The following ANXA8 variants were observed in gnomAD, a reference collection of about 807,000 sequenced individuals.
ANXA8 encodes VAC-beta.
A neutral mutation model predicts 26.8 loss-of-function variants in ANXA8; 9 were observed. The observed-to-expected ratio is 0.34, with a 90% CI of 0.20 to 0.59. ANXA8 has a LOEUF of 0.59. ANXA8 is among the 20% of genes least tolerant of loss of function. ANXA8 has a pLI of 0.84. For synonymous variants in ANXA8, 39 were observed against 94.8 expected (o/e 0.41, Z 3.42); for missense variants, 83 against 238.5 (o/e 0.35, Z 4.29).
the ANXA8 span, among the ~76,000 whole-genome samples, chr10:47,901,710 G>A: frequency 3.3e-5 from 4 of 122,330 alleles, no homozygotes; most frequent in African/African-American, 9.5e-5. Context: ...ATAACTAGTC[G>A]TTTTGCTTTA....
chr10:47,578,956 C>G, the ANXA8 span, among the ~76,000 whole-genome samples: 3 of 145,168 alleles, frequency 2.1e-5, no homozygotes, highest in Admixed American at 7.0e-5. Context: ...TCAAGTGATT[C>G]TCAGCCTCCT....
the ANXA8 span, among the ~76,000 whole-genome samples, chr10:47,733,145 C>CTT: frequency 7.7e-3 from 380 of 49,356 alleles, 2 homozygotes; most frequent in African/African-American, 0.02. Context: ...ACTCCCTAAT[C>CTT]TTTCTTTCTT....
At chr10:47,979,917 T>C in the ANXA8 span, among the ~76,000 whole-genome samples, 3 of 152,094 alleles carry the variant, frequency 2.0e-5, no homozygotes, top group African/African-American at 7.2e-5. Flanking sequence ...CAGTAAGACA[T>C]GTCAGACTTC....
chr10:47,627,259 C>T, the ANXA8 span, among the ~76,000 whole-genome samples: 2 of 150,062 alleles, frequency 1.3e-5, no homozygotes, highest in Non-Finnish European at 2.9e-5. Context: ...CTCATACTGT[C>T]ATTTAATCAA....
the ANXA8 span, among the ~76,000 whole-genome samples, chr10:47,556,533 T>TC: frequency 2.0e-5 from 3 of 151,796 alleles, no homozygotes; most frequent in Non-Finnish European, 2.9e-5. Flanking sequence ...ATTAACAAGA[T>TC]CCCCCTTTTA....
the ANXA8 span, chr10:47,581,100 A>C: frequency 5.0e-6 from 1 of 198,080 alleles, no homozygotes; most frequent in Admixed American, 5.7e-5. Flanking sequence ...AAAAAATTAT[A>C]CAAAAAAAAA....
the ANXA8 span, chr10:47,590,380 C>T: frequency 1.4e-5 from 2 of 146,870 alleles, no homozygotes; most frequent in African/African-American, 2.7e-5. Flanking sequence ...GGGGCCCATA[C>T]TTGGCCTCTC....
At chr10:47,626,784 A>G in the ANXA8 span, among the ~76,000 whole-genome samples, 1 of 150,424 alleles carries the variant, frequency 6.6e-6, no homozygotes, top group Non-Finnish European at 1.5e-5. Context: ...AGGAGCTGTG[A>G]CATGCGCAAA....
chr10:47,519,467 CAAAA>C, the ANXA8 span, among the ~76,000 whole-genome samples: 1 of 84,768 alleles, frequency 1.2e-5, no homozygotes, highest in Non-Finnish European at 2.3e-5. Flanking sequence ...GACTCCATTT[CAAAA>C]AAAAAAAAAA....
the ANXA8 span, among the ~76,000 whole-genome samples, chr10:47,556,504 AAAAG>A: frequency 6.6e-6 from 1 of 151,964 alleles, no homozygotes; most frequent in Non-Finnish European, 1.5e-5. Flanking sequence ...AGATCAGAAT[AAAAG>A]AATCTACCAA....
chr10:47,670,030 C>T, the ANXA8 span, among the ~76,000 whole-genome samples: 4 of 151,874 alleles, frequency 2.6e-5, no homozygotes, highest in African/African-American at 7.3e-5. Flanking sequence ...CCTCCCTCCC[C>T]CAGCCCCTGG....
At chr10:47,699,887 G>A in the ANXA8 span, among the ~76,000 whole-genome samples, 1 of 151,684 alleles carries the variant, frequency 6.6e-6, no homozygotes, top group Non-Finnish European at 1.5e-5. Flanking sequence ...CAAACAGAGG[G>A]CATAATGATA....
chr10:47,729,653 C>T, the ANXA8 span, among the ~76,000 whole-genome samples: 2 of 151,506 alleles, frequency 1.3e-5, no homozygotes, highest in African/African-American at 4.8e-5. Flanking sequence ...TGGATAAGAG[C>T]ACTCGTCTGA....
the ANXA8 span, among the ~76,000 whole-genome samples, chr10:47,630,921 T>C: frequency 6.7e-6 from 1 of 149,900 alleles, no homozygotes; most frequent in Non-Finnish European, 1.5e-5. Flanking sequence ...AGGTCTTCTG[T>C]AGAATTGAAT....
the ANXA8 span, among the ~76,000 whole-genome samples, chr10:47,628,759 A>C: frequency 6.7e-6 from 1 of 149,888 alleles, no homozygotes; most frequent in African/African-American, 2.5e-5. Flanking sequence ...AAACCAATAC[A>C]TCAAAATCTT....
chr10:47,733,215 TTCTTTCTC>T, the ANXA8 span, among the ~76,000 whole-genome samples: 6 of 95,024 alleles, frequency 6.3e-5, 1 homozygote, highest in Admixed American at 4.8e-4. Context: ...CTTTCTTTCT[TTCTTTCTC>T]TTTCTTTCTC....
At chr10:47,660,765 G>A in the ANXA8 span, among the ~76,000 whole-genome samples, 31 of 142,804 alleles carry the variant, frequency 2.2e-4, 1 homozygote, top group African/African-American at 5.6e-4. Context: ...TGCATTTGGC[G>A]TGGCTTTTTT....
the ANXA8 span, among the ~76,000 whole-genome samples, chr10:47,575,446 G>A: frequency 7.1e-6 from 1 of 141,348 alleles, no homozygotes; most frequent in East Asian, 2.0e-4. Context: ...GTGCAGTGGT[G>A]GGATCTTGGC....
chr10:47,557,757 G>A, the ANXA8 span, among the ~76,000 whole-genome samples: 1 of 148,052 alleles, frequency 6.8e-6, no homozygotes, highest in South Asian at 2.1e-4. Context: ...TTTCATAAAT[G>A]TTTTGTTAAT....
Sources: allele counts gnomAD v4.1 joint callset (sites outside exome capture counted in the v4.1 genomes callset), GRCh38; gene constraint gnomAD v4.1.1; transcripts MANE v1.5; gene names NCBI Gene and HGNC (gene_info 2026-07-23, HGNC 2026-07-21).